The following SYCE1L variants were observed in gnomAD, a reference collection of about 807,000 sequenced individuals.
The protein encoded by SYCE1L is synaptonemal complex central element protein 1 like, also known as synaptonemal complex central element protein 1-like.
A neutral mutation model predicts 39.6 loss-of-function variants in SYCE1L; 51 were observed. The observed-to-expected ratio is 1.29, with a 90% CI of 1.03 to 1.63. SYCE1L has a LOEUF of 1.63. SYCE1L is among the 40% of genes most tolerant of loss of function. The probability of loss-of-function intolerance (pLI) is 0.00; values close to 1 mark genes in which losing one functional copy is unlikely to be tolerated. For synonymous variants in SYCE1L, 147 were observed against 122.4 expected (o/e 1.20, Z -1.33); for missense variants, 426 against 304.9 (o/e 1.40, Z -2.96).
chr16:77,208,713 G>A (rs1041698017), intron 4 of SYCE1L, among the ~76,000 whole-genome samples, 174 bp downstream of exon 4: 1 of 152,124 alleles, frequency 6.6e-6, no homozygotes, highest in African/African-American at 2.4e-5. Context: ...ACCCTGATAG[G>A]CCTATCTTGA....
rs1384066643 is a variant in SYCE1L at position 77,212,904 on chromosome 16, G to A, written c.702G>A (p.Pro234=). The change falls in exon 11 of 11, where the codon CCG becomes CCA. Residue 234 remains proline (P), a synonymous_variant. Coordinates refer to ENST00000378644, the MANE Select transcript of SYCE1L (RefSeq NM_001129979.3). ...CTCGCGACGAGGAGGATCCCGAGCC[G>A]CCGGTGGCTGCCCCTGACGCCCTCT... ...PRARDEEDPE[P]PVAAPDAL The A allele has an allele frequency of 1.3e-6, 2 of 1,528,962 alleles. No homozygotes were observed. Among genetic ancestry groups the A allele is most frequent in the South Asian group, 1.2e-5 (1 of 82,598 alleles). The allele number at this position is 1,528,962 out of a possible 1,614,324, so 94.7% of individuals were successfully genotyped here.
In SYCE1L at chr16:77,213,017, C is replaced by G. The variant is rs964551178; in HGVS notation, c.*86C>G. On this transcript the variant is annotated 3_prime_UTR_variant, in exon 11 of 11. Coordinates refer to ENST00000378644, the MANE Select transcript of SYCE1L (RefSeq NM_001129979.3). ...GATTTCCGACCATGCTCGCGTTCTC[C>G]GCGGAGTCTGTGCTACACCGTGGAG... 2.3e-5 allele frequency: 31 copies of G among 1,349,044 alleles called. No individual in the cohort carries two copies. The highest frequency in any genetic ancestry group is 1.9e-4 in the Middle Eastern group (1 of 5,190). 83.6% of individuals were successfully genotyped at this position (1,349,044 alleles called of 1,614,324 possible).
intron 1 of SYCE1L, chr16:77,200,252 ATG>A (rs759418378): frequency 9.5e-6 from 1 of 105,576 alleles, no homozygotes; most frequent in Non-Finnish European, 2.0e-5. Flanking sequence ...ATATATGTAT[ATG>A]TGTATATATA....
chr16:77,207,410 AAC>A (rs1248435394), intron 2 of SYCE1L, among the ~76,000 whole-genome samples: 1 of 117,092 alleles, frequency 8.5e-6, no homozygotes, highest in Non-Finnish European at 2.2e-5. Context: ...AGAGCACTGA[AAC>A]AGGGGCTATG....
chr16:77,212,459 C>T, intron 9 of SYCE1L, 90 bp downstream of exon 9: 1 of 1,537,880 alleles, frequency 6.5e-7, no homozygotes, highest in Admixed American at 2.0e-5. Context: ...CCGACTGCCG[C>T]TTCCCCGGCC....
Position 77,209,413 on chromosome 16 carries a change from ACAGAGGCACTGAGGATCCTC to A in SYCE1L, c.306_325del (p.Glu102AspfsTer76). ...AAAGGGTCCCCTTGGTTCCTTCCCCACAGAGGCACTGAGGATCCTCCAGATGCACTGCCAAGAGAAGGAAA... is the reference window on the plus strand; with the variant it reads ...AAAGGGTCCCCTTGGTTCCTTCCCCACAGATGCACTGCCAAGAGAAGGAAA... On this transcript the variant is annotated splice_acceptor_variant and splice_polypyrimidine_tract_variant and coding_sequence_variant and intron_variant, in exon 6 of 11. Coordinates refer to ENST00000378644, the MANE Select transcript of SYCE1L (RefSeq NM_001129979.3). LOFTEE classifies it high-confidence loss of function. 1 of 1,551,654 alleles carries A rather than the reference ACAGAGGCACTGAGGATCCTC, an allele frequency of 6.4e-7. No homozygotes were observed. The highest frequency in any genetic ancestry group is 8.7e-7 in the Non-Finnish European group (1 of 1,146,972).
At position 77,212,356 on chromosome 16, in the gene SYCE1L, G is replaced by T. The variant is rs2054830281; in HGVS notation, c.568G>T (p.Ala190Ser). The change falls in exon 9 of 11, where the codon GCG (alanine) becomes TCG (serine). Residue 190 changes from alanine to serine, a missense_variant. Coordinates refer to ENST00000378644, the MANE Select transcript of SYCE1L (RefSeq NM_001129979.3). ...GCCGCCTGAGGTCGAGGGCGCCATG[G>T]CGGTGAATGACGGGTGAGAGGGGAA... ...HSPPEVEGAM[A>S]VNDGLKAELE... The T allele has an allele frequency of 1.3e-6, 2 of 1,528,332 alleles. No individual in the cohort carries two copies. The highest frequency in any genetic ancestry group is 1.8e-6 in the Non-Finnish European group (2 of 1,138,922). 94.7% of individuals were successfully genotyped at this position (1,528,332 alleles called of 1,614,324 possible). A position where few individuals can be genotyped will look rare whatever the true frequency, so the allele number is the denominator to read the frequency against.
chr16:77,203,088 G>T (rs1456277985), intron 1 of SYCE1L, among the ~76,000 whole-genome samples: 1 of 152,142 alleles, frequency 6.6e-6, no homozygotes, highest in Non-Finnish European at 1.5e-5. Context: ...TTAGGATTAA[G>T]GAGAGAAGAG....
At chr16:77,200,437 G>C (rs2054726737) in intron 1 of SYCE1L, 1 of 151,026 alleles carries the variant, frequency 6.6e-6, no homozygotes, top group Non-Finnish European at 1.5e-5. Flanking sequence ...GGGTGACAGA[G>C]TGAGACTCCG....
Position 77,213,008 on chromosome 16 carries a change from C to A in SYCE1L, c.*77C>A. The A allele has an allele frequency of 7.3e-7, 1 of 1,364,520 alleles. No individual in the cohort carries two copies. Among genetic ancestry groups the A allele is most frequent in the South Asian group, 1.5e-5 (1 of 66,816 alleles). 84.5% of individuals were successfully genotyped at this position (1,364,520 alleles called of 1,614,324 possible). ...AAAGGCGATGATTTCCGACCATGCT[C>A]GCGTTCTCCGCGGAGTCTGTGCTAC... On this transcript the variant is annotated 3_prime_UTR_variant, in exon 11 of 11. Transcript: ENST00000378644.
chr16:77,212,322 G>C lies in SYCE1L; in HGVS notation c.534G>C (p.Arg178=), dbSNP rs1259218739. Residue 178 remains arginine, a synonymous_variant, in exon 9 of 11, where the codon CGG becomes CGC. Transcript: ENST00000378644. ...CCAAGCTGCGGGAGGTGGAGCGGCG[G>C]CTGCACTCGCCGCCTGAGGTCGAGG... ...VRAKLREVER[R]LHSPPEVEGA... 6.6e-7 allele frequency: 1 copy of C among 1,522,750 alleles called. No individual in the cohort carries two copies. Among genetic ancestry groups the C allele is most frequent in the African/African-American group, 1.4e-5 (1 of 71,454 alleles). The allele number at this position is 1,522,750 out of a possible 1,614,324, so 94.3% of individuals were successfully genotyped here.
chr16:77,208,492 G>C lies in SYCE1L; in HGVS notation c.209G>C (p.Arg70Thr), dbSNP rs2054801226. The C allele has an allele frequency of 1.3e-6, 2 of 1,551,726 alleles. No individual in the cohort carries two copies. Among genetic ancestry groups the C allele is most frequent in the Non-Finnish European group, 1.7e-6 (2 of 1,146,998 alleles). Reference protein sequence around the residue: ...QAKKKSSEELRETHSLWEALH... With the variant: ...QAKKKSSEELTETHSLWEALH... ...AAGAAGAAATCCAGTGAGGAACTGA[G>C]AGAGACCCACAGTCTCTGGGAGGCC... The change falls in exon 4 of 11, where the codon AGA becomes ACA. Residue 70 changes from arginine (R) to threonine (T), a missense_variant. Arg to Thr is a moderately conservative substitution (Grantham distance 71, BLOSUM62 -1). Transcript: ENST00000378644.
chr16:77,206,505 T>C lies in SYCE1L; in HGVS notation c.121+5T>C, dbSNP rs1567425840. On this transcript the variant is annotated splice_donor_5th_base_variant and intron_variant, in intron 2 of 10. Coordinates refer to ENST00000378644, the MANE Select transcript of SYCE1L (RefSeq NM_001129979.3). The stretch of plus-strand genomic sequence containing the variant: ...TGGTGATAAAGCTGCAGAAAGGTCA[T>C]GTGTCTCTTTGTTTCTGAGCCTCAG... 2.6e-6 allele frequency: 4 copies of C among 1,551,720 alleles called. No homozygotes were observed. Among genetic ancestry groups the C allele is most frequent in the South Asian group, 2.4e-5 (2 of 84,064 alleles).
At chr16:77,205,481 T>C (rs147097205) in intron 1 of SYCE1L, among the ~76,000 whole-genome samples, 284 of 120,986 alleles carry the variant, frequency 2.3e-3, no homozygotes, top group African/African-American at 7.0e-3. Flanking sequence ...GAAGTATATA[T>C]GGTGAAAAGT....
intron 1 of SYCE1L, among the ~76,000 whole-genome samples, chr16:77,205,807 C>T (rs1030011261): frequency 5.3e-5 from 8 of 152,074 alleles, no homozygotes; most frequent in Non-Finnish European, 1.0e-4. Flanking sequence ...TGTTGTGTTC[C>T]TTCATCTAGA....
In SYCE1L at chr16:77,209,453, A is replaced by C; in HGVS notation, c.341A>C (p.Lys114Thr). The change falls in exon 6 of 11, where the codon AAG becomes ACG. Residue 114 changes from lysine to threonine, a missense_variant. Physicochemically the swap from Lys to Thr is moderately conservative, Grantham distance 78. Transcript: ENST00000378644. ...LRILQMHCQE[K>T]ESEAQRLDVR... ...ATCCTCCAGATGCACTGCCAAGAGAAGGAAAGCGAGGCTCAGAGGTAAGAG... is the reference window on the plus strand; with the variant it reads ...ATCCTCCAGATGCACTGCCAAGAGACGGAAAGCGAGGCTCAGAGGTAAGAG... 1 of 1,551,772 alleles carries C rather than the reference A, an allele frequency of 6.4e-7. No individual in the cohort carries two copies. Among genetic ancestry groups the C allele is most frequent in the Non-Finnish European group, 8.7e-7 (1 of 1,147,022 alleles).
rs1020692924 is a variant in SYCE1L, at chr16:77,212,963, C to G, written c.*32C>G. Reference sequence around the variant, plus strand: ...AGGACCCGCCCGTTCCCGACCTTCCCTCGAGACCCGCCAAGAAATAAAGGC... The same window carrying G: ...AGGACCCGCCCGTTCCCGACCTTCCGTCGAGACCCGCCAAGAAATAAAGGC... On this transcript the variant is annotated 3_prime_UTR_variant, in exon 11 of 11. Coordinates refer to ENST00000378644, the MANE Select transcript of SYCE1L (RefSeq NM_001129979.3). The G allele has an allele frequency of 6.8e-7, 1 of 1,466,836 alleles. No individual in the cohort carries two copies. Among genetic ancestry groups the G allele is most frequent in the Non-Finnish European group, 9.1e-7 (1 of 1,104,788 alleles). 90.9% of individuals were successfully genotyped at this position (1,466,836 alleles called of 1,614,324 possible).
In SYCE1L at chr16:77,209,491, C is replaced by A. The variant is rs1049007500; in HGVS notation, c.359+20C>A. 3.2e-6 allele frequency: 5 copies of A among 1,551,428 alleles called. No individual in the cohort carries two copies. In the African/African-American group the frequency reaches 6.8e-5, roughly 21 times the overall value. ...TCAGAGGTAAGAGGCCCTGCCTCAG[C>A]TCTTCCCTACCTCATTCCCCAGCTG... On this transcript the variant is annotated intron_variant, in intron 6 of 10. Transcript: ENST00000378644.
chr16:77,205,044 C>CAAAAAAAAAAAA (rs1451754899), intron 1 of SYCE1L, among the ~76,000 whole-genome samples: 1 of 123,276 alleles, frequency 8.1e-6, no homozygotes, highest in African/African-American at 3.1e-5. Context: ...GACTCCATCT[C>CAAAAAAAAAAAA]AAAAAAAAAA....
Sources: allele counts gnomAD v4.1 joint callset (sites outside exome capture counted in the v4.1 genomes callset), GRCh38; gene constraint gnomAD v4.1.1; transcripts MANE v1.5; gene names NCBI Gene and HGNC (gene_info 2026-07-23, HGNC 2026-07-21).